ERCC1: variants seen among roughly 807,000 people sequenced by gnomAD.
ERCC1 encodes DNA excision repair protein ERCC-1.
Under a neutral mutation model 37.6 loss-of-function variants are expected in ERCC1, and 36 were observed. The ratio of observed to expected loss-of-function variants is 0.96; its 90% CI spans 0.73 to 1.26. ERCC1 has a LOEUF of 1.26. ERCC1 is among the 50% of genes most tolerant of loss of function. The pLI is 0.00. For synonymous variants in ERCC1, 156 were observed against 162.1 expected (o/e 0.96, Z 0.28); for missense variants, 349 against 376.5 (o/e 0.93, Z 0.60).
At chr19:45,446,721 C>T (rs928465983) in intron 1 of ERCC1, among the ~76,000 whole-genome samples, 10 of 152,086 alleles carry the variant, frequency 6.6e-5, no homozygotes, top group South Asian at 2.1e-4. Flanking sequence ...GGAGCTGGGC[C>T]GGGAGAGGTG....
intron 4 of ERCC1, 45 bp from the exon 5 acceptor site, chr19:45,419,242 A>T: frequency 7.7e-7 from 1 of 1,306,560 alleles, no homozygotes; most frequent in Non-Finnish European, 1.1e-6. Context: ...CAGTCTCTTC[A>T]AGACCCCCAA....
At position 45,407,978 on chromosome 19, in the gene ERCC1, C is replaced by G; in HGVS notation, c.*1697G>C. ...CTGAGGCAGGAGAATCGCTTGAACC[C>G]AGGAGGTGGACATTGCAGTGAGCCG... On this transcript the variant is annotated 3_prime_UTR_variant, in exon 10 of 10. Coordinates refer to ENST00000300853, the MANE Select transcript of ERCC1 (RefSeq NM_001983.4). The G allele has an allele frequency of 1.0e-6, 1 of 982,228 alleles. No homozygotes were observed. Among genetic ancestry groups the G allele is most frequent in the Non-Finnish European group, 1.4e-6 (1 of 700,934 alleles). 60.8% of individuals were successfully genotyped at this position (982,228 alleles called of 1,614,324 possible).
At chr19:45,437,087 T>A (rs1047270199) in intron 1 of ERCC1, among the ~76,000 whole-genome samples, 2 of 151,806 alleles carry the variant, frequency 1.3e-5, no homozygotes, top group Admixed American at 1.3e-4. Context: ...CCATCTCCAC[T>A]AAAAATACAA....
At chr19:45,428,248 A>C, upstream of ERCC1, among the ~76,000 whole-genome samples, 1 of 130,196 alleles carries the variant, frequency 7.7e-6, no homozygotes, top group Non-Finnish European at 1.6e-5. Flanking sequence ...ACGCCTGGCC[A>C]ACTTTTGTAT....
chr19:45,415,337 G>GAAAA (rs34174936), intron 6 of ERCC1, among the ~76,000 whole-genome samples: 3 of 67,508 alleles, frequency 4.4e-5, no homozygotes, highest in Non-Finnish European at 9.2e-5. Flanking sequence ...CTCCATTTCA[G>GAAAA]AAAAAAAAAA....
chr19:45,418,446 G>C (rs944968315), intron 5 of ERCC1, among the ~76,000 whole-genome samples: 7 of 151,672 alleles, frequency 4.6e-5, no homozygotes, highest in African/African-American at 1.7e-4. Flanking sequence ...TTTGAACCCA[G>C]GAGGCAGAGG....
chr19:45,435,780 A>G (rs1342972377), intron 1 of ERCC1, among the ~76,000 whole-genome samples: 1 of 151,418 alleles, frequency 6.6e-6, no homozygotes, highest in African/African-American at 2.4e-5. Context: ...TTTTTTTTTT[A>G]GATGGAGTCT....
chr19:45,408,255 C>T lies in ERCC1; in HGVS notation c.*1420G>A, dbSNP rs914419252. 12 of 1,613,966 alleles carry T rather than the reference C, an allele frequency of 7.4e-6. No individual in the cohort carries two copies. In the Admixed American group the frequency reaches 2.0e-4, roughly 27 times the overall value. ...CAAGCTGGAGAAGCGACCCTGCTGG[C>T]CCCCTCAACGGAGGCAGGAGGTGGA... On this transcript the variant is annotated 3_prime_UTR_variant, in exon 10 of 10. Transcript: ENST00000300853.
intron 1 of ERCC1, among the ~76,000 whole-genome samples, chr19:45,441,565 G>C (rs915243538): frequency 1.3e-5 from 2 of 152,136 alleles, no homozygotes; most frequent in Admixed American, 6.5e-5. Flanking sequence ...TGTAGAGACG[G>C]GGTTTTACTA....
At chr19:45,424,932 T>C (rs893921591), upstream of ERCC1, among the ~76,000 whole-genome samples, 5 of 150,170 alleles carry the variant, frequency 3.3e-5, no homozygotes, top group Non-Finnish European at 5.9e-5. Context: ...CTTTTTTTTT[T>C]TTTTTTCGAG....
intron 7 of ERCC1, chr19:45,414,619 G>A (rs1467711646): frequency 4.0e-6 from 2 of 503,100 alleles, no homozygotes; most frequent in Non-Finnish European, 3.6e-6. Context: ...CCCTTGTTGA[G>A]CCTGGTGAGA....
intron 9 of ERCC1, chr19:45,410,598 G>GTGTGTGTGTGT (rs1187372053): frequency 3.4e-5 from 2 of 58,652 alleles, no homozygotes; most frequent in African/African-American, 9.9e-5. Flanking sequence ...TGTGTGTGTG[G>GTGTGTGTGTGT]TACCCATTAA....
chr19:45,413,649 TC>T, intron 9 of ERCC1, 27 bp downstream of exon 9: 1 of 1,614,210 alleles, frequency 6.2e-7, no homozygotes, highest in Non-Finnish European at 8.5e-7. Context: ...TTCCCCCAAC[TC>T]CTTGGGTTCT....
chr19:45,411,061 T>C (rs1289675025), intron 9 of ERCC1, among the ~76,000 whole-genome samples: 1 of 152,158 alleles, frequency 6.6e-6, no homozygotes, highest in Non-Finnish European at 1.5e-5. Context: ...TGGCCTCAAG[T>C]GATCTGCCCG....
At chr19:45,437,700 T>A (rs1975016312) in intron 1 of ERCC1, among the ~76,000 whole-genome samples, 1 of 151,974 alleles carries the variant, frequency 6.6e-6, no homozygotes, top group Admixed American at 6.6e-5. Context: ...TCCAGGGAAG[T>A]GGGAGAGGGT....
At chr19:45,439,583 C>T (rs920116118) in intron 1 of ERCC1, among the ~76,000 whole-genome samples, 2 of 152,160 alleles carry the variant, frequency 1.3e-5, no homozygotes, top group African/African-American at 4.8e-5. Flanking sequence ...TAAGCTGAGA[C>T]GGACTCAGGC....
chr19:45,408,708 C>A lies in ERCC1; in HGVS notation c.*967G>T. ...CTGGAGCCTCTGGGAGTGCTGTTCC[C>A]GTCCACCACCAAGAAGAGGAAGAAG... is the stretch of plus-strand genomic sequence containing the variant. On this transcript the variant is annotated 3_prime_UTR_variant, in exon 10 of 10. Coordinates refer to ENST00000300853, the MANE Select transcript of ERCC1 (RefSeq NM_001983.4). 1 of 1,613,844 alleles carries A rather than the reference C, an allele frequency of 6.2e-7. No individual in the cohort carries two copies. Among genetic ancestry groups the A allele is most frequent in the Non-Finnish European group, 8.5e-7 (1 of 1,179,952 alleles).
intron 9 of ERCC1, among the ~76,000 whole-genome samples, chr19:45,411,389 G>T (rs1276531242): frequency 2.6e-5 from 4 of 151,864 alleles, no homozygotes; most frequent in Admixed American, 2.0e-4. Context: ...CATAGTGGTT[G>T]TACTGATTTA....
chr19:45,417,517 A>AG (rs1339949587), intron 5 of ERCC1, among the ~76,000 whole-genome samples: 2 of 152,112 alleles, frequency 1.3e-5, no homozygotes, highest in Admixed American at 1.3e-4. Context: ...GAGGGGAAAG[A>AG]GGGCTTGAGG....
Sources: allele counts gnomAD v4.1 joint callset (sites outside exome capture counted in the v4.1 genomes callset), GRCh38; gene constraint gnomAD v4.1.1; transcripts MANE v1.5; gene names NCBI Gene and HGNC (gene_info 2026-07-23, HGNC 2026-07-21).